The following DROSHA variants were observed in gnomAD, a reference collection of about 807,000 sequenced individuals.
The protein encoded by DROSHA is ribonuclease 3.
A neutral mutation model predicts 181.9 loss-of-function variants in DROSHA; 56 were observed. The ratio of observed to expected loss-of-function variants is 0.31; its 90% CI spans 0.25 to 0.38. The LOEUF is 0.38. DROSHA is among the 10% of genes least tolerant of loss of function. DROSHA has a pLI of 1.00. For synonymous variants in DROSHA, 524 were observed against 591.2 expected, an observed-to-expected ratio of 0.89 and a Z score of 1.65; for missense variants, 1,218 against 1,743.5, an observed-to-expected ratio of 0.70 and a Z score of 5.37.
chr5:31,484,110 G>T (rs1261710932), intron 15 of DROSHA, among the ~76,000 whole-genome samples: 1 of 152,060 alleles, frequency 6.6e-6, no homozygotes, highest in South Asian at 2.1e-4. Flanking sequence ...AGTGGCTCAC[G>T]CCTGTAATCC....
At chr5:31,524,385 C>G (rs12518060) in intron 5 of DROSHA, among the ~76,000 whole-genome samples, 65,857 of 152,100 alleles carry the variant, frequency 0.43, 14,493 homozygotes, top group South Asian at 0.5. Flanking sequence ...GACCAGCTCT[C>G]TGCAAACCCA....
At chr5:31,442,899 C>T (rs2150009503) in intron 23 of DROSHA, among the ~76,000 whole-genome samples, 1 of 152,148 alleles carries the variant, frequency 6.6e-6, no homozygotes, top group Middle Eastern at 3.4e-3. Context: ...GGGAATTTAA[C>T]TTGAAGCATT....
intron 27 of DROSHA, among the ~76,000 whole-genome samples, chr5:31,426,555 T>C (rs1743496082): frequency 6.6e-6 from 1 of 152,112 alleles, no homozygotes; most frequent in African/African-American, 2.4e-5. Flanking sequence ...TCTTCAGATG[T>C]GTCCTGAGAA....
At chr5:31,495,186 A>G (rs1283661525) in intron 12 of DROSHA, 100 bp downstream of exon 12, 3 of 1,317,424 alleles carry the variant, frequency 2.3e-6, no homozygotes, top group South Asian at 2.7e-5. Flanking sequence ...ATATTTTTCA[A>G]AGTAAGAACA....
intron 12 of DROSHA, 73 bp from the exon 13 acceptor site, chr5:31,493,366 A>T: frequency 7.5e-7 from 1 of 1,334,580 alleles, no homozygotes; most frequent in East Asian, 2.6e-5. Flanking sequence ...ATCCATCAGG[A>T]CAGAAAGTAA....
At chr5:31,482,034 A>C (rs894863032) in intron 16 of DROSHA, among the ~76,000 whole-genome samples, 2 of 152,198 alleles carry the variant, frequency 1.3e-5, no homozygotes, top group Admixed American at 6.5e-5. Context: ...CAGGGCTCTC[A>C]GGCATGAGGG....
At chr5:31,407,984 T>C (rs1396807473) in intron 33 of DROSHA, among the ~76,000 whole-genome samples, 1 of 152,146 alleles carries the variant, frequency 6.6e-6, no homozygotes, top group Non-Finnish European at 1.5e-5. Context: ...TTTCCCCCAA[T>C]AAATAAAGGA....
intron 13 of DROSHA, among the ~76,000 whole-genome samples, chr5:31,492,977 CTT>C (rs140691282): frequency 0.01 from 1,545 of 152,312 alleles, 33 homozygotes; most frequent in African/African-American, 0.035. Flanking sequence ...TACTCTGACA[CTT>C]GTTTACTTAC....
At chr5:31,497,833 A>C (rs913520747) in intron 11 of DROSHA, among the ~76,000 whole-genome samples, 1 of 152,196 alleles carries the variant, frequency 6.6e-6, no homozygotes, top group Non-Finnish European at 1.5e-5. Context: ...ATTCTCCTCA[A>C]AGATAAGTCT....
intron 20 of DROSHA, 106 bp downstream of exon 20, chr5:31,464,130 G>A: frequency 1.1e-6 from 1 of 917,854 alleles, no homozygotes; most frequent in East Asian, 2.6e-5. Flanking sequence ...TTAGTCTCAA[G>A]GTAGTATTTT....
At chr5:31,529,176 C>A in intron 3 of DROSHA, 71 bp from the exon 4 acceptor site, 1 of 1,365,020 alleles carries the variant, frequency 7.3e-7, no homozygotes, top group Non-Finnish European at 1.0e-6. Flanking sequence ...AATATTTCTG[C>A]AATTACCATA....
intron 21 of DROSHA, 101 bp from the exon 22 acceptor site, chr5:31,449,520 G>A: frequency 7.6e-7 from 1 of 1,323,618 alleles, no homozygotes; most frequent in Non-Finnish European, 1.0e-6. Flanking sequence ...TTTAGCCCAG[G>A]AGATCAAGAC....
chr5:31,431,694 T>G lies in DROSHA; in HGVS notation c.3043-16A>C, dbSNP rs750358457. The G allele has an allele frequency of 1.2e-6, 2 of 1,612,992 alleles. No individual in the cohort carries two copies. The highest frequency in any genetic ancestry group is 8.5e-7 in the Non-Finnish European group (1 of 1,179,324). ...GTTCAAGTTTCTACAAAATTCACAA[T>G]GACAAAACGTAAGAAAGAGTTTGCC... On this transcript the variant is annotated splice_polypyrimidine_tract_variant and intron_variant, in intron 25 of 35. Transcript: ENST00000344624.
At chr5:31,418,557 C>T (rs1484860900) in intron 30 of DROSHA, among the ~76,000 whole-genome samples, 3 of 152,174 alleles carry the variant, frequency 2.0e-5, no homozygotes, top group Non-Finnish European at 2.9e-5. Context: ...GCATGAACCA[C>T]CATACCTGGC....
chr5:31,505,840 T>G (rs1737866752), intron 10 of DROSHA: 1 of 152,154 alleles, frequency 6.6e-6, no homozygotes, highest in African/African-American at 2.4e-5. Context: ...TTTAAAGTTA[T>G]GGAGATTTAT....
intron 23 of DROSHA, among the ~76,000 whole-genome samples, chr5:31,443,034 T>G (rs1745792934): frequency 6.6e-6 from 1 of 151,452 alleles, no homozygotes; most frequent in Non-Finnish European, 1.5e-5. Flanking sequence ...TCTCTGTTGG[T>G]CCGATAGATT....
chr5:31,519,943 A>G (rs142052705), intron 6 of DROSHA, among the ~76,000 whole-genome samples: 1,638 of 152,268 alleles, frequency 0.011, 46 homozygotes, highest in African/African-American at 0.037. Context: ...TTTTATATCC[A>G]TATTTGTAAG....
In DROSHA at chr5:31,486,503, C is replaced by G. The variant is rs748478188; in HGVS notation, c.1902G>C (p.Glu634Asp). 6.2e-7 allele frequency: 1 copy of G among 1,613,770 alleles called. No homozygotes were observed. The highest frequency in any genetic ancestry group is 8.5e-7 in the Non-Finnish European group (1 of 1,179,840). The stretch of plus-strand genomic sequence containing the variant: ...TCTTTTCCCTTACCTCCGGCATCAT[C>G]TCTTCAATGAAATGAATCGTGTAGT... ...NIDYTIHFIE[E>D]MMPENFCVKG... The change falls in exon 14 of 36, where the codon GAG becomes GAC. Residue 634 changes from glutamate to aspartate, a missense_variant. Physicochemically the swap from Glu to Asp is conservative, Grantham distance 45. Transcript: ENST00000344624.
intron 6 of DROSHA, among the ~76,000 whole-genome samples, chr5:31,519,396 T>C (rs1739622195): frequency 6.6e-6 from 1 of 152,122 alleles, no homozygotes; most frequent in Non-Finnish European, 1.5e-5. Flanking sequence ...TCTCATCTAA[T>C]CCAGAGCAAC....
Sources: gnomAD v4.1 joint callset for allele counts (sites outside exome capture counted in the v4.1 genomes callset) on GRCh38, gnomAD v4.1.1 for gene constraint, MANE v1.5 for transcripts, NCBI Gene and HGNC (gene_info 2026-07-23, HGNC 2026-07-21) for gene names.